TTC28: variants seen among roughly 807,000 people sequenced by gnomAD.
TTC28 encodes the protein tetratricopeptide repeat protein 28.
TTC28 carries 61 observed loss-of-function variants against 198.0 expected under a neutral mutation model. That is an observed-to-expected ratio of 0.31 (90% CI 0.25 to 0.38). The LOEUF (loss-of-function observed/expected upper bound fraction) is 0.38. Ranked by LOEUF, TTC28 falls within the 10% of genes least tolerant of loss-of-function variation. TTC28 has a pLI of 1.00. For missense variants in TTC28, 2,678 were observed against 3,164.0 expected, an observed-to-expected ratio of 0.85 and a Z score of 3.69; for synonymous variants, 1,171 against 1,297.8, an observed-to-expected ratio of 0.90 and a Z score of 2.10.
At chr22:28,324,823 C>T (rs975097340) in intron 2 of TTC28, among the ~76,000 whole-genome samples, 4 of 152,160 alleles carry the variant, frequency 2.6e-5, no homozygotes, top group African/African-American at 9.7e-5. Flanking sequence ...CCTTTGAAAA[C>T]TGGCACAAGA....
At chr22:27,992,507 C>T in intron 19 of TTC28, 80 bp downstream of exon 19, 1 of 1,435,864 alleles carries the variant, frequency 7.0e-7, no homozygotes, top group Non-Finnish European at 9.5e-7. Flanking sequence ...TTACAGGTTC[C>T]TATTTAGGGC....
rs140593500 is a variant in TTC28, at chr22:28,289,330, A to C, written c.933+6868T>G. ...ACTTTGGAGTTACCAGCATATTTGTATATCAGATTTCCTGAATAGAGAACA... is the reference window on the plus strand; with the variant it reads ...ACTTTGGAGTTACCAGCATATTTGTCTATCAGATTTCCTGAATAGAGAACA... On this transcript the variant is annotated intron_variant, in intron 5 of 22. Transcript: ENST00000397906. Among the ~76,000 whole-genome samples the C allele has an allele frequency of 4.0e-3, 608 of 152,314 alleles. 2 individuals carry two copies. The highest frequency in any genetic ancestry group is 0.024 in the Middle Eastern group (7 of 294).
At chr22:28,577,927 T>C (rs1482394074) in intron 2 of TTC28, among the ~76,000 whole-genome samples, 1 of 152,138 alleles carries the variant, frequency 6.6e-6, no homozygotes, top group East Asian at 1.9e-4. Flanking sequence ...ATCCACCCTA[T>C]GACTTTTGAT....
intron 2 of TTC28, among the ~76,000 whole-genome samples, chr22:28,338,802 G>T (rs2045777391): frequency 6.6e-6 from 1 of 152,100 alleles, no homozygotes; most frequent in African/African-American, 2.4e-5. Context: ...CTTTAGCTCA[G>T]AGTAGTTTGA....
At chr22:28,147,763 C>T (rs551971553) in intron 6 of TTC28, among the ~76,000 whole-genome samples, 73 of 152,304 alleles carry the variant, frequency 4.8e-4, no homozygotes, top group Middle Eastern at 3.4e-3. Context: ...GTATAGTGTT[C>T]ACATACTGGA....
rs1936978987 is a variant in TTC28 at position 27,980,671 on chromosome 22, AC to A, written c.*1549del. 6.6e-6 allele frequency: 1 copy of A among 152,274 alleles called. No homozygotes were observed. Among genetic ancestry groups the A allele is most frequent in the South Asian group, 2.1e-4 (1 of 4,838 alleles). 9.4% of individuals were successfully genotyped at this position (152,274 alleles called of 1,614,324 possible). A position where few individuals can be genotyped will look rare whatever the true frequency, so the allele number is the denominator to read the frequency against. On this transcript the variant is annotated 3_prime_UTR_variant, in exon 23 of 23. Coordinates refer to ENST00000397906, the MANE Select transcript of TTC28 (RefSeq NM_001145418.2). ...AGGTGGCCGCCCACCTTCATGAGGA[AC>A]CCTGTAGTGAGGTGGGTAGGATTTT...
At chr22:28,389,269 T>C (rs2046672636) in intron 2 of TTC28, among the ~76,000 whole-genome samples, 1 of 152,286 alleles carries the variant, frequency 6.6e-6, no homozygotes, top group South Asian at 2.1e-4. Flanking sequence ...GATTTTTGCA[T>C]CGATGTTCAT....
chr22:28,153,395 TAAA>T (rs55726442), intron 6 of TTC28, among the ~76,000 whole-genome samples: 2 of 97,140 alleles, frequency 2.1e-5, no homozygotes, highest in Non-Finnish European at 4.0e-5. Context: ...CTCAAAGAAT[TAAA>T]AAAAAAAAAA....
At chr22:28,281,471 T>A (rs1240429945) in intron 5 of TTC28, among the ~76,000 whole-genome samples, 1 of 152,200 alleles carries the variant, frequency 6.6e-6, no homozygotes, top group Non-Finnish European at 1.5e-5. Context: ...AGATTTCCTA[T>A]CCACTCTTTA....
chr22:28,093,362 T>C (rs933609939), intron 12 of TTC28, among the ~76,000 whole-genome samples: 3 of 152,270 alleles, frequency 2.0e-5, no homozygotes, highest in Admixed American at 6.5e-5. Context: ...CAAGCTAACA[T>C]AGCAGATTCT....
intron 1 of TTC28, among the ~76,000 whole-genome samples, chr22:28,649,226 G>T (rs2051528582): frequency 6.6e-6 from 1 of 152,114 alleles, no homozygotes; most frequent in African/African-American, 2.4e-5. Flanking sequence ...AGGTGGGACA[G>T]GGCTAAGGGA....
chr22:28,063,029 T>C (rs1200584583), intron 12 of TTC28, among the ~76,000 whole-genome samples: 3 of 151,900 alleles, frequency 2.0e-5, no homozygotes, highest in Non-Finnish European at 2.9e-5. Context: ...CTGAAGAGTA[T>C]TTTTTTTCAA....
At chr22:28,466,820 T>TATACACACACAC (rs1555880284) in intron 2 of TTC28, among the ~76,000 whole-genome samples, 3 of 143,810 alleles carry the variant, frequency 2.1e-5, no homozygotes, top group African/African-American at 7.8e-5. Flanking sequence ...TATACATACA[T>TATACACACACAC]ACACACACAC....
chr22:28,581,924 T>C (rs1030165333), intron 2 of TTC28, among the ~76,000 whole-genome samples: 2 of 152,202 alleles, frequency 1.3e-5, no homozygotes, highest in East Asian at 1.9e-4. Context: ...AAGGACTTTA[T>C]AGACTTTTGA....
intron 5 of TTC28, among the ~76,000 whole-genome samples, chr22:28,200,184 G>T (rs1449777488): frequency 2.0e-5 from 3 of 152,040 alleles, no homozygotes; most frequent in Admixed American, 2.0e-4. Context: ...GAATTCCTGG[G>T]CTTAAGAAAT....
chr22:28,340,684 CTGA>C (rs1018440662), intron 2 of TTC28, among the ~76,000 whole-genome samples: 1 of 152,088 alleles, frequency 6.6e-6, no homozygotes, highest in African/African-American at 2.4e-5. Flanking sequence ...ACACCATTTT[CTGA>C]TGAAGTAAAA....
chr22:28,466,147 T>C (rs1230904078), intron 2 of TTC28, among the ~76,000 whole-genome samples: 1 of 152,224 alleles, frequency 6.6e-6, no homozygotes, highest in East Asian at 1.9e-4. Flanking sequence ...TCTGCCACAG[T>C]GATTATCACA....
intron 5 of TTC28, among the ~76,000 whole-genome samples, chr22:28,185,485 TAAATA>T (rs1451165196): frequency 2.6e-5 from 4 of 152,152 alleles, no homozygotes; most frequent in Non-Finnish European, 5.9e-5. Context: ...TTACTAAGTA[TAAATA>T]AAATCTTTCT....
chr22:28,286,534 T>TGA (rs1220414855), intron 5 of TTC28, among the ~76,000 whole-genome samples: 1 of 152,196 alleles, frequency 6.6e-6, no homozygotes, highest in African/African-American at 2.4e-5. Flanking sequence ...GCTACCACAA[T>TGA]GAGAAGTATA....
Sources: gnomAD v4.1 joint callset for allele counts (sites outside exome capture counted in the v4.1 genomes callset) on GRCh38, gnomAD v4.1.1 for gene constraint, MANE v1.5 for transcripts, NCBI Gene and HGNC (gene_info 2026-07-23, HGNC 2026-07-21) for gene names.